The following ARHGAP29 variants were observed in gnomAD, a reference collection of about 807,000 sequenced individuals.
ARHGAP29 encodes rho GTPase-activating protein 29.
A neutral mutation model predicts 122.6 loss-of-function variants in ARHGAP29; 43 were observed. That is an observed-to-expected ratio of 0.35 (90% CI 0.27 to 0.45). The LOEUF (loss-of-function observed/expected upper bound fraction) is 0.45. Among genes scored for constraint, ARHGAP29 ranks in the 20% least tolerant of loss-of-function variants. The probability of loss-of-function intolerance (pLI) is 1.00; values close to 1 mark genes in which losing one functional copy is unlikely to be tolerated. For missense variants in ARHGAP29, 1,303 were observed against 1,477.2 expected (o/e 0.88, Z 1.93); for synonymous variants, 506 against 497.1 (o/e 1.02, Z -0.24).
At chr1:94,203,056 T>C (rs768232212) in intron 9 of ARHGAP29, 44 bp downstream of exon 9, 9 of 1,598,030 alleles carry the variant, frequency 5.6e-6, no homozygotes, top group Non-Finnish European at 7.7e-6. Context: ...GGCATGCCAT[T>C]GCTTAAAAAT....
the ARHGAP29 span, among the ~76,000 whole-genome samples, chr1:94,291,819 C>T: frequency 1.3e-5 from 2 of 152,208 alleles, no homozygotes; most frequent in Non-Finnish European, 2.9e-5. Flanking sequence ...GTCAAGAGAT[C>T]CACTGTTAGT....
intron 11 of ARHGAP29, 81 bp downstream of exon 11, chr1:94,202,463 G>C: frequency 6.5e-7 from 1 of 1,531,810 alleles, no homozygotes; most frequent in Non-Finnish European, 8.9e-7. Context: ...GGCAGTCTTG[G>C]CAGACGCAGA....
chr1:94,277,998 T>C (rs1655244504), upstream of ARHGAP29, among the ~76,000 whole-genome samples: 1 of 152,190 alleles, frequency 6.6e-6, no homozygotes, highest in Non-Finnish European at 1.5e-5. Flanking sequence ...ACACATTTTG[T>C]TGGTATATTG....
chr1:94,203,343 T>C, intron 8 of ARHGAP29, 133 bp from the exon 9 acceptor site: 1 of 561,664 alleles, frequency 1.8e-6, no homozygotes, highest in East Asian at 3.1e-5. Context: ...GTCAAAAACA[T>C]GACTATGAGA....
chr1:94,234,847 G>T (rs1653151667), intron 1 of ARHGAP29, among the ~76,000 whole-genome samples: 2 of 151,898 alleles, frequency 1.3e-5, no homozygotes, highest in Non-Finnish European at 2.9e-5. Context: ...TTTTAAACTT[G>T]GTAAATTAGA....
chr1:94,240,117 C>A (rs1253411179), upstream of ARHGAP29, among the ~76,000 whole-genome samples: 3 of 152,140 alleles, frequency 2.0e-5, no homozygotes, highest in African/African-American at 4.8e-5. Context: ...TTCTCAACAC[C>A]CCCTAAACCA....
At chr1:94,249,388 A>AT (rs1234328490) in intron 1 of ARHGAP29, 1 of 152,252 alleles carries the variant, frequency 6.6e-6, no homozygotes, top group Non-Finnish European at 1.5e-5. Flanking sequence ...GCTTATTGAA[A>AT]TATTTTTCAT....
chr1:94,179,080 G>C (rs565662679), intron 20 of ARHGAP29, among the ~76,000 whole-genome samples: 1 of 152,174 alleles, frequency 6.6e-6, no homozygotes, highest in Non-Finnish European at 1.5e-5. Flanking sequence ...TTTGTCTGCA[G>C]ATCTGTCCCC....
At chr1:94,235,308 A>G (rs1653186775) in intron 1 of ARHGAP29, among the ~76,000 whole-genome samples, 1 of 152,226 alleles carries the variant, frequency 6.6e-6, no homozygotes, top group African/African-American at 2.4e-5. Context: ...GATCATATAC[A>G]CTACTTTCTC....
chr1:94,208,767 A>G, intron 5 of ARHGAP29, 65 bp downstream of exon 5: 1 of 1,513,188 alleles, frequency 6.6e-7, no homozygotes, highest in Non-Finnish European at 9.2e-7. Flanking sequence ...GCCTAAGATT[A>G]GGCAATAGTT....
At chr1:94,225,799 A>G (rs996993154) in intron 2 of ARHGAP29, among the ~76,000 whole-genome samples, 12 of 152,106 alleles carry the variant, frequency 7.9e-5, no homozygotes, top group Admixed American at 2.0e-4. Context: ...AGATGTGAAT[A>G]TAATAAAATT....
At chr1:94,237,309 G>C in intron 1 of ARHGAP29, 106 bp downstream of exon 1, 1 of 791,362 alleles carries the variant, frequency 1.3e-6, no homozygotes. Context: ...GCCGCCCCGC[G>C]GGCCTCCCGG....
At chr1:94,312,355 G>GTTTT in the ARHGAP29 span, among the ~76,000 whole-genome samples, 8 of 88,794 alleles carry the variant, frequency 9.0e-5, no homozygotes, top group East Asian at 3.8e-4. Flanking sequence ...ATTTTTATTT[G>GTTTT]TTTTTTTTTT....
chr1:94,296,875 A>C, the ARHGAP29 span, among the ~76,000 whole-genome samples: 1 of 152,232 alleles, frequency 6.6e-6, no homozygotes, highest in African/African-American at 2.4e-5. Flanking sequence ...TGGAACTTAA[A>C]TAGGAACCAT....
the ARHGAP29 span, chr1:94,302,784 G>T: frequency 3.4e-6 from 1 of 293,220 alleles, no homozygotes; most frequent in South Asian, 3.0e-5. Flanking sequence ...AGCCAAATAT[G>T]ATGACATCAA....
At chr1:94,312,355 GTTTTTTTTTTT>G in the ARHGAP29 span, among the ~76,000 whole-genome samples, 2 of 88,800 alleles carry the variant, frequency 2.3e-5, no homozygotes, top group Admixed American at 2.5e-4. Context: ...ATTTTTATTT[GTTTTTTTTTTT>G]TTTTTTTTGA....
At chr1:94,194,500 A>C (rs907524918) in intron 12 of ARHGAP29, 1 of 152,234 alleles carries the variant, frequency 6.6e-6, no homozygotes, top group African/African-American at 2.4e-5. Context: ...ACAGTTGTAG[A>C]GATTGAGAGA....
chr1:94,202,254 T>A (rs1393118134), intron 11 of ARHGAP29: 2 of 547,976 alleles, frequency 3.6e-6, no homozygotes, highest in Non-Finnish European at 6.3e-6. Flanking sequence ...TGAACTTTCT[T>A]GTCAAGTAAA....
intron 2 of ARHGAP29, among the ~76,000 whole-genome samples, chr1:94,227,842 A>G (rs1205130154): frequency 6.6e-6 from 1 of 151,870 alleles, no homozygotes; most frequent in Admixed American, 6.6e-5. Flanking sequence ...TGTTATAATT[A>G]AACACAACAT....
Sources: gnomAD v4.1 joint callset for allele counts (sites outside exome capture counted in the v4.1 genomes callset) on GRCh38, gnomAD v4.1.1 for gene constraint, MANE v1.5 for transcripts, NCBI Gene and HGNC (gene_info 2026-07-23, HGNC 2026-07-21) for gene names.